Variants in SLC25A21 observed in about 807,000 individuals in gnomAD.
The protein encoded by SLC25A21 is solute carrier family 25 member 21, also known as mitochondrial 2-oxodicarboxylate carrier.
In SLC25A21, 47 loss-of-function variants were observed where a neutral mutation model predicts 43.8. That is an observed-to-expected ratio of 1.07 (90% CI 0.85 to 1.37). The LOEUF (loss-of-function observed/expected upper bound fraction) is 1.37. Among genes scored for constraint, SLC25A21 ranks in the 40% most tolerant of loss-of-function variants. The pLI is 0.00. For missense variants in SLC25A21, 352 were observed against 350.2 expected (o/e 1.00, Z -0.04); for synonymous variants, 131 against 121.3 (o/e 1.08, Z -0.52).
At chr14:36,703,228 C>T (rs1883357858) in intron 7 of SLC25A21, among the ~76,000 whole-genome samples, 1 of 152,130 alleles carries the variant, frequency 6.6e-6, no homozygotes, top group African/African-American at 2.4e-5. Flanking sequence ...ATATAAACAG[C>T]TCTGTCTAAG....
intron 1 of SLC25A21, among the ~76,000 whole-genome samples, chr14:37,104,365 A>G (rs1962874144): frequency 1.3e-5 from 2 of 152,184 alleles, no homozygotes; most frequent in African/African-American, 4.8e-5. Flanking sequence ...TCTAGAATTG[A>G]GCAAGAAATA....
intron 1 of SLC25A21, among the ~76,000 whole-genome samples, chr14:36,993,206 G>A (rs11844106): frequency 0.071 from 10,808 of 152,120 alleles, 421 homozygotes; most frequent in Admixed American, 0.082. Flanking sequence ...ACCCAGTGTC[G>A]AGTGTGTCCC....
chr14:36,827,506 A>G (rs942143201), intron 2 of SLC25A21, among the ~76,000 whole-genome samples: 8 of 152,222 alleles, frequency 5.3e-5, no homozygotes, highest in Admixed American at 3.9e-4. Flanking sequence ...TCTCTAGGGT[A>G]GTTGGCAGAT....
intron 1 of SLC25A21, among the ~76,000 whole-genome samples, chr14:36,916,000 T>TGG (rs2138617923): frequency 6.6e-6 from 1 of 152,174 alleles, no homozygotes; most frequent in Non-Finnish European, 1.5e-5. Flanking sequence ...CATATCAGAG[T>TGG]GGATCCACAA....
chr14:36,687,391 GAGA>G (rs1391475321), intron 7 of SLC25A21, among the ~76,000 whole-genome samples: 1 of 152,132 alleles, frequency 6.6e-6, no homozygotes, highest in Non-Finnish European at 1.5e-5. Context: ...TCTCGGGGGT[GAGA>G]AGAAGGTGCC....
intron 2 of SLC25A21, among the ~76,000 whole-genome samples, chr14:36,866,672 T>C (rs967789307): frequency 6.6e-6 from 1 of 152,182 alleles, no homozygotes; most frequent in Admixed American, 6.5e-5. Flanking sequence ...TCCTTCTCTG[T>C]AAAGACCTTC....
intron 2 of SLC25A21, among the ~76,000 whole-genome samples, chr14:36,839,576 T>G (rs1395602115): frequency 1.3e-5 from 2 of 152,192 alleles, no homozygotes; most frequent in Non-Finnish European, 2.9e-5. Context: ...TTGAATCCAG[T>G]CAAATGGAGA....
At chr14:36,916,781 C>A (rs1891844768) in intron 1 of SLC25A21, among the ~76,000 whole-genome samples, 2 of 152,130 alleles carry the variant, frequency 1.3e-5, no homozygotes, top group Admixed American at 1.3e-4. Context: ...CCAGCTTTTA[C>A]ATTTCCCCCT....
intron 1 of SLC25A21, among the ~76,000 whole-genome samples, chr14:36,888,334 A>G (rs919142537): frequency 6.6e-6 from 1 of 152,126 alleles, no homozygotes; most frequent in Non-Finnish European, 1.5e-5. Context: ...AAAAATTATG[A>G]TCCTACATCA....
intron 1 of SLC25A21, among the ~76,000 whole-genome samples, chr14:37,144,924 GGTTGTT>G (rs35217998): frequency 1.3e-5 from 2 of 150,456 alleles, no homozygotes; most frequent in African/African-American, 4.9e-5. Flanking sequence ...CAGCCTGGGT[GGTTGTT>G]GTTGTTGTTG....
chr14:36,942,028 C>A (rs553180458), intron 1 of SLC25A21, among the ~76,000 whole-genome samples: 10 of 152,008 alleles, frequency 6.6e-5, no homozygotes, highest in African/African-American at 2.4e-4. Flanking sequence ...AAATTTTGTT[C>A]TTATGACTCC....
At chr14:36,816,769 G>A (rs1029546133) in intron 2 of SLC25A21, among the ~76,000 whole-genome samples, 4 of 152,138 alleles carry the variant, frequency 2.6e-5, no homozygotes, top group Non-Finnish European at 4.4e-5. Flanking sequence ...CTCCCAAAGT[G>A]CTGGGATTGC....
chr14:36,684,481 C>T (rs568746180), intron 8 of SLC25A21, among the ~76,000 whole-genome samples: 1 of 152,320 alleles, frequency 6.6e-6, no homozygotes, highest in South Asian at 2.1e-4. Flanking sequence ...TACAATACTA[C>T]ATTATACAAA....
chr14:37,091,825 T>C (rs1474473334), intron 1 of SLC25A21, among the ~76,000 whole-genome samples: 1 of 152,150 alleles, frequency 6.6e-6, no homozygotes, highest in Non-Finnish European at 1.5e-5. Flanking sequence ...TCTGAGTTAT[T>C]TCCCTCACTA....
chr14:36,929,984 C>T (rs1049964991), intron 1 of SLC25A21, among the ~76,000 whole-genome samples: 5 of 152,036 alleles, frequency 3.3e-5, no homozygotes, highest in Admixed American at 6.6e-5. Flanking sequence ...ATAAGAAGTC[C>T]GACTTCTCTG....
chr14:36,862,898 G>A (rs367667027), intron 2 of SLC25A21, among the ~76,000 whole-genome samples: 357 of 152,072 alleles, frequency 2.3e-3, no homozygotes, highest in African/African-American at 8.2e-3. Context: ...ATAGTAACAC[G>A]CAAATTGGAA....
chr14:37,064,430 C>T (rs997556553), intron 1 of SLC25A21, among the ~76,000 whole-genome samples: 11 of 152,224 alleles, frequency 7.2e-5, no homozygotes, highest in Admixed American at 7.2e-4. Context: ...CTCTCTCTCT[C>T]TCTTTTTCTA....
chr14:36,871,621 T>G (rs1890376585), intron 2 of SLC25A21, among the ~76,000 whole-genome samples: 2 of 152,154 alleles, frequency 1.3e-5, no homozygotes, highest in Admixed American at 1.3e-4. Context: ...AATATTAAAA[T>G]AAATAACATA....
intron 1 of SLC25A21, among the ~76,000 whole-genome samples, chr14:37,040,437 A>AAGAAAGAG (rs1340645765): frequency 9.6e-6 from 1 of 104,058 alleles, no homozygotes; most frequent in Admixed American, 8.2e-5. Context: ...GAAAGAAAGA[A>AAGAAAGAG]AGAAAAGAAA....
Sources: allele counts gnomAD v4.1 joint callset (sites outside exome capture counted in the v4.1 genomes callset), GRCh38; gene constraint gnomAD v4.1.1; transcripts MANE v1.5; gene names NCBI Gene and HGNC (gene_info 2026-07-23, HGNC 2026-07-21).